Variants in PSKH1 observed in about 807,000 individuals in gnomAD.
The protein encoded by PSKH1 is protein serine kinase H1, also known as serine/threonine-protein kinase H1.
Under a neutral mutation model 26.7 loss-of-function variants are expected in PSKH1, and 12 were observed. That is an observed-to-expected ratio of 0.45 (90% confidence interval 0.29 to 0.73). The LOEUF is 0.73. PSKH1 is among the 30% of genes least tolerant of loss of function. The pLI, the probability that PSKH1 is intolerant of heterozygous loss-of-function variation, is 0.11. For synonymous variants in PSKH1, 213 were observed against 234.3 expected (o/e 0.91, Z 0.83); for missense variants, 431 against 595.2 (o/e 0.72, Z 2.87).
At chr16:67,922,456 C>A (rs1222959397) in intron 2 of PSKH1, among the ~76,000 whole-genome samples, 1 of 152,220 alleles carries the variant, frequency 6.6e-6, no homozygotes, top group Non-Finnish European at 1.5e-5. Context: ...TTCCTCCCTT[C>A]CCATCCCTTC....
In PSKH1 at chr16:67,903,742, A is replaced by G. The variant is rs528997789; in HGVS notation, c.-70-4938A>G. Reference sequence around the variant, plus strand: ...CTGACCACTTGCCGCTGAGCTGTGCAAGGGACGGGGTGCTGTCCTCATTCT... The same window carrying G: ...CTGACCACTTGCCGCTGAGCTGTGCGAGGGACGGGGTGCTGTCCTCATTCT... On this transcript the variant is annotated intron_variant, in intron 1 of 2. Coordinates refer to ENST00000291041, the MANE Select transcript of PSKH1 (RefSeq NM_006742.3). Among the ~76,000 whole-genome samples, 10 of 151,852 alleles carry G rather than the reference A, an allele frequency of 6.6e-5. No homozygotes were observed. In the East Asian group the frequency reaches 1.7e-3, roughly 26 times the overall value.
intron 2 of PSKH1, among the ~76,000 whole-genome samples, chr16:67,911,017 G>C (rs2058171758): frequency 6.6e-6 from 1 of 152,120 alleles, no homozygotes; most frequent in Admixed American, 6.6e-5. Context: ...AGGGCTGGTT[G>C]GTCCTTAGGA....
intron 1 of PSKH1, among the ~76,000 whole-genome samples, chr16:67,908,306 G>A (rs1001314568): frequency 6.6e-6 from 1 of 152,158 alleles, no homozygotes; most frequent in Non-Finnish European, 1.5e-5. Flanking sequence ...GTCTTACTCT[G>A]TCACCCAGGC....
chr16:67,926,818 C>G (rs963307602), intron 2 of PSKH1, among the ~76,000 whole-genome samples: 1 of 151,950 alleles, frequency 6.6e-6, no homozygotes, highest in Non-Finnish European at 1.5e-5. Flanking sequence ...CTCCCCATGC[C>G]GGGAGGCAGA....
intron 1 of PSKH1, among the ~76,000 whole-genome samples, chr16:67,900,628 T>C (rs1439386421): frequency 6.6e-6 from 1 of 152,156 alleles, no homozygotes; most frequent in African/African-American, 2.4e-5. Flanking sequence ...TGAGTGGCTT[T>C]GGACGAGTCT....
At position 67,908,899 on chromosome 16, in the gene PSKH1, C is replaced by T. The variant is rs141818380; in HGVS notation, c.150C>T (p.Ala50=). The T allele has an allele frequency of 6.8e-5, 109 of 1,614,184 alleles. No homozygotes were observed. Among genetic ancestry groups the T allele is most frequent in the Middle Eastern group, 3.3e-4 (2 of 6,062 alleles). The change falls in exon 2 of 3, where the codon GCC becomes GCT. Residue 50 remains alanine (A), a synonymous_variant. Transcript: ENST00000291041. ...TEVDSVGPVK[A]GFPAASQYAH... is the part of the protein sequence containing the mutation. ...TGGACAGTGTTGGCCCTGTCAAAGC[C>T]GGGTTCCCAGCAGCAAGTCAGTATG... is the stretch of plus-strand genomic sequence containing the variant.
At chr16:67,899,750 C>G (rs550608100) in intron 1 of PSKH1, among the ~76,000 whole-genome samples, 1 of 150,002 alleles carries the variant, frequency 6.7e-6, no homozygotes, top group African/African-American at 2.5e-5. Flanking sequence ...CAGGTTCAAG[C>G]GATTTTCCAG....
intron 1 of PSKH1, among the ~76,000 whole-genome samples, chr16:67,897,947 A>G (rs1005189430): frequency 6.6e-6 from 1 of 152,080 alleles, no homozygotes; most frequent in African/African-American, 2.4e-5. Context: ...TTCCGGGTTC[A>G]TGCCATTCTC....
intron 1 of PSKH1, among the ~76,000 whole-genome samples, chr16:67,897,165 G>C (rs2058128795): frequency 6.6e-6 from 1 of 152,168 alleles, no homozygotes; most frequent in Non-Finnish European, 1.5e-5. Context: ...TTATACAATA[G>C]TATCATTCTA....
chr16:67,914,756 A>T (rs1483291709), intron 2 of PSKH1, among the ~76,000 whole-genome samples: 1 of 152,142 alleles, frequency 6.6e-6, no homozygotes, highest in African/African-American at 2.4e-5. Flanking sequence ...ACCCGGTGAA[A>T]CTGAAATTTT....
At chr16:67,925,513 C>T (rs143431989) in intron 2 of PSKH1, among the ~76,000 whole-genome samples, 2 of 152,192 alleles carry the variant, frequency 1.3e-5, no homozygotes, top group African/African-American at 4.8e-5. Context: ...TCTTGAACTA[C>T]ACAAGCCCCC....
Position 67,895,334 on chromosome 16 carries a change from G to C in PSKH1, c.-71+1963G>C, listed in dbSNP as rs529380404. Among the ~76,000 whole-genome samples, 7 of 152,032 alleles carry C rather than the reference G, an allele frequency of 4.6e-5. No homozygotes were observed. The South Asian group carries it at 1.0e-3, about 23-fold the overall frequency. On this transcript the variant is annotated intron_variant, in intron 1 of 2. Coordinates refer to ENST00000291041, the MANE Select transcript of PSKH1 (RefSeq NM_006742.3). ...CCCACCTTGGCCTCCCGAAGTTTTA[G>C]GGTTACAGGCAAGAGCCACCACACC...
chr16:67,905,589 G>A (rs2058153922), intron 1 of PSKH1, among the ~76,000 whole-genome samples: 1 of 152,224 alleles, frequency 6.6e-6, no homozygotes, highest in South Asian at 2.1e-4. Flanking sequence ...GCTGGGCACA[G>A]TGGCTCACAC....
rs185771559 is a variant in PSKH1, at chr16:67,920,185, C to T, written c.958-7140C>T. Reference sequence around the variant, plus strand: ...GAGCACTGCCTTTCACAGGCTCTGTCGCTTCTGGGCCCTCAAGTTCCTCTG... The same window carrying T: ...GAGCACTGCCTTTCACAGGCTCTGTTGCTTCTGGGCCCTCAAGTTCCTCTG... On this transcript the variant is annotated intron_variant, in intron 2 of 2. Coordinates refer to ENST00000291041, the MANE Select transcript of PSKH1 (RefSeq NM_006742.3). Among the ~76,000 whole-genome samples the T allele has an allele frequency of 2.6e-3, 398 of 152,344 alleles. 1 individual carries two copies. The highest frequency in any genetic ancestry group is 3.9e-3 in the Non-Finnish European group (263 of 68,032).
chr16:67,911,604 C>G (rs985266721), intron 2 of PSKH1, among the ~76,000 whole-genome samples: 1 of 152,204 alleles, frequency 6.6e-6, no homozygotes, highest in Non-Finnish European at 1.5e-5. Context: ...ATCACCTAAA[C>G]CCAGTAGACA....
At chr16:67,907,591 G>A (rs375012289) in intron 1 of PSKH1, among the ~76,000 whole-genome samples, 5 of 152,312 alleles carry the variant, frequency 3.3e-5, no homozygotes, top group African/African-American at 7.2e-5. Context: ...AAGACCAGGC[G>A]AGTTTTGCAG....
chr16:67,913,576 C>T (rs2058179071), intron 2 of PSKH1, among the ~76,000 whole-genome samples: 1 of 152,128 alleles, frequency 6.6e-6, no homozygotes, highest in African/African-American at 2.4e-5. Context: ...TACCAGGAGA[C>T]CGTCTAGCTG....
Position 67,908,879 on chromosome 16 carries a change from A to G in PSKH1, c.130A>G (p.Ser44Gly). 6.2e-7 allele frequency: 1 copy of G among 1,614,192 alleles called. No homozygotes were observed. Among genetic ancestry groups the G allele is most frequent in the Non-Finnish European group, 8.5e-7 (1 of 1,180,040 alleles). ...CAAGCACTTCATCACAGAGGTGGAC[A>G]GTGTTGGCCCTGTCAAAGCCGGGTT... ...VYKHFITEVD[S>G]VGPVKAGFPA... The change falls in exon 2 of 3, where the codon AGT (serine) becomes GGT (glycine). Residue 44 changes from serine (S) to glycine (G), a missense_variant. Coordinates refer to ENST00000291041, the MANE Select transcript of PSKH1 (RefSeq NM_006742.3).
chr16:67,927,291 T>C lies in PSKH1; in HGVS notation c.958-34T>C. ...TCCAGATGGGGTGGGCAGTGTCAGATGCTCTCACTCTAATGCTTGTCCTTG... is the reference window on the plus strand; with the variant it reads ...TCCAGATGGGGTGGGCAGTGTCAGACGCTCTCACTCTAATGCTTGTCCTTG... On this transcript the variant is annotated intron_variant, in intron 2 of 2. Transcript: ENST00000291041. This position sits in a 1 kb window ranked among gnomAD's most constrained non-coding sequence, Gnocchi z 5.5. 1 of 1,564,630 alleles carries C rather than the reference T, an allele frequency of 6.4e-7. No individual in the cohort carries two copies. The highest frequency in any genetic ancestry group is 8.7e-7 in the Non-Finnish European group (1 of 1,149,538).
Sources: gnomAD v4.1 joint callset for allele counts (sites outside exome capture counted in the v4.1 genomes callset) on GRCh38, gnomAD v4.1.1 for gene constraint, Gnocchi (gnomAD v3.1) non-coding constraint, MANE v1.5 for transcripts, NCBI Gene and HGNC (gene_info 2026-07-23, HGNC 2026-07-21) for gene names.